The following PTPRT variants were observed in gnomAD, a reference collection of about 807,000 sequenced individuals.
PTPRT encodes the protein protein tyrosine phosphatase receptor type T.
In PTPRT, 56 loss-of-function variants were observed where a neutral mutation model predicts 176.8. The ratio of observed to expected loss-of-function variants is 0.32; its 90% CI spans 0.26 to 0.40. PTPRT has a LOEUF of 0.40. PTPRT is among the 10% of genes least tolerant of loss of function. The pLI is 1.00. For missense variants in PTPRT, 1,540 were observed against 1,908.2 expected (o/e 0.81, Z 3.60); for synonymous variants, 783 against 739.0 (o/e 1.06, Z -0.96).
intron 15 of PTPRT, among the ~76,000 whole-genome samples, chr20:42,233,002 G>C (rs1394349907): frequency 1.3e-5 from 2 of 151,852 alleles, no homozygotes; most frequent in Non-Finnish European, 1.5e-5. Flanking sequence ...AACTCCTCCT[G>C]CTGCAAAAGC....
intron 1 of PTPRT, among the ~76,000 whole-genome samples, chr20:42,987,862 T>C (rs553089478): frequency 4.6e-5 from 7 of 152,332 alleles, no homozygotes; most frequent in African/African-American, 1.4e-4. Flanking sequence ...ACCCGAAAGC[T>C]TGACGGGAGC....
chr20:42,420,700 G>A (rs565786769), intron 9 of PTPRT, among the ~76,000 whole-genome samples: 92 of 152,196 alleles, frequency 6.0e-4, no homozygotes, highest in South Asian at 1.0e-3. Flanking sequence ...GTCTGTCTTC[G>A]TCTGTCCCCA....
intron 2 of PTPRT, among the ~76,000 whole-genome samples, chr20:42,883,030 G>A (rs2079031484): frequency 6.6e-6 from 1 of 152,196 alleles, no homozygotes; most frequent in African/African-American, 2.4e-5. Context: ...ATGATGATTT[G>A]GAGGTTTAGG....
chr20:42,526,678 T>C (rs1015706472), intron 7 of PTPRT, among the ~76,000 whole-genome samples: 1 of 152,152 alleles, frequency 6.6e-6, no homozygotes, highest in Non-Finnish European at 1.5e-5. Flanking sequence ...TAAGTTTTTG[T>C]GTAGAATCTG....
At chr20:42,607,093 A>G (rs2073890805) in intron 7 of PTPRT, among the ~76,000 whole-genome samples, 1 of 152,242 alleles carries the variant, frequency 6.6e-6, no homozygotes, top group Admixed American at 6.5e-5. Flanking sequence ...AATCGCAAAA[A>G]GAGAAATATT....
chr20:42,503,221 C>G (rs1408061943), intron 7 of PTPRT, among the ~76,000 whole-genome samples: 7 of 151,180 alleles, frequency 4.6e-5, no homozygotes, highest in Non-Finnish European at 3.0e-5. Flanking sequence ...TTTCCATTAC[C>G]CTTAGGTTTA....
rs570559903 is a variant in PTPRT, at chr20:42,862,385, T to C, written c.214+23422A>G. Among the ~76,000 whole-genome samples, 180 of 152,212 alleles carry C rather than the reference T, an allele frequency of 1.2e-3. 2 individuals carry two copies. In the Middle Eastern group the frequency reaches 0.024, roughly 20 times the overall value. On this transcript the variant is annotated intron_variant, in intron 2 of 30. Transcript: ENST00000373187. Reference sequence around the variant, plus strand: ...GATGGCAGAAGAACTGCAAAATAGATGGCAAGTTCCTGAAGCAGAGAGGCT... The same window carrying C: ...GATGGCAGAAGAACTGCAAAATAGACGGCAAGTTCCTGAAGCAGAGAGGCT...
At chr20:42,301,597 G>A (rs2057468885) in intron 12 of PTPRT, among the ~76,000 whole-genome samples, 1 of 152,108 alleles carries the variant, frequency 6.6e-6, no homozygotes, top group Non-Finnish European at 1.5e-5. Context: ...GCGCATTAAA[G>A]CATTTAGGAG....
At chr20:42,473,180 C>T (rs1053126162) in intron 7 of PTPRT, among the ~76,000 whole-genome samples, 7 of 152,116 alleles carry the variant, frequency 4.6e-5, no homozygotes, top group African/African-American at 1.7e-4. Flanking sequence ...AACAGTCTTC[C>T]ATCCCTCTTT....
chr20:42,093,208 C>T (rs6029962), intron 27 of PTPRT, among the ~76,000 whole-genome samples: 1,682 of 152,132 alleles, frequency 0.011, 27 homozygotes, highest in African/African-American at 0.037. Flanking sequence ...TCTGGTGGTC[C>T]GTAGAGACCA....
chr20:42,123,264 T>A (rs565562103), intron 19 of PTPRT, among the ~76,000 whole-genome samples: 7 of 152,322 alleles, frequency 4.6e-5, no homozygotes, highest in African/African-American at 1.7e-4. Context: ...GATTCACATT[T>A]TAGTTGTGGA....
chr20:43,098,712 T>G (rs2012271359), intron 1 of PTPRT, among the ~76,000 whole-genome samples: 1 of 151,988 alleles, frequency 6.6e-6, no homozygotes, highest in Admixed American at 6.6e-5. Flanking sequence ...AATTATACGT[T>G]AAAGCAAAAA....
intron 7 of PTPRT, among the ~76,000 whole-genome samples, chr20:42,512,422 T>C (rs994491961): frequency 3.9e-5 from 6 of 152,184 alleles, no homozygotes; most frequent in African/African-American, 9.7e-5. Flanking sequence ...CTTTTCTCAG[T>C]ATAATGCCTT....
At chr20:42,389,061 G>A (rs1448967325) in intron 9 of PTPRT, among the ~76,000 whole-genome samples, 1 of 150,660 alleles carries the variant, frequency 6.6e-6, no homozygotes, top group Non-Finnish European at 1.5e-5. Flanking sequence ...TCACTCATAG[G>A]TGGGAATTGA....
chr20:42,481,978 G>A (rs2071395496), intron 7 of PTPRT, among the ~76,000 whole-genome samples: 1 of 152,014 alleles, frequency 6.6e-6, no homozygotes. Flanking sequence ...TCAATAGCTT[G>A]ACCAATACAA....
intron 12 of PTPRT, among the ~76,000 whole-genome samples, chr20:42,284,762 T>C (rs2057200743): frequency 6.6e-6 from 1 of 151,940 alleles, no homozygotes; most frequent in South Asian, 2.1e-4. Flanking sequence ...ACAAGTGTTT[T>C]CTTCTTCATA....
At chr20:42,180,677 C>T (rs530636274) in intron 16 of PTPRT, among the ~76,000 whole-genome samples, 8 of 152,152 alleles carry the variant, frequency 5.3e-5, no homozygotes, top group Non-Finnish European at 1.2e-4. Flanking sequence ...AAATGAGTGG[C>T]AGCATGTTCA....
intron 1 of PTPRT, among the ~76,000 whole-genome samples, chr20:43,159,227 G>A (rs77913122): frequency 0.015 from 2,318 of 152,272 alleles, 70 homozygotes; most frequent in African/African-American, 0.053. Flanking sequence ...GGGAGCTGAG[G>A]TATTTATACA....
intron 1 of PTPRT, among the ~76,000 whole-genome samples, chr20:43,160,430 G>A (rs952575816): frequency 2.6e-5 from 4 of 152,130 alleles, no homozygotes; most frequent in African/African-American, 7.2e-5. Context: ...CATGGATAAG[G>A]CAATAAGAAT....
Sources: gnomAD v4.1 joint callset for allele counts (sites outside exome capture counted in the v4.1 genomes callset) on GRCh38, gnomAD v4.1.1 for gene constraint, MANE v1.5 for transcripts, NCBI Gene and HGNC (gene_info 2026-07-23, HGNC 2026-07-21) for gene names.